Variants in TYW1 observed in about 807,000 individuals in gnomAD.
The protein encoded by TYW1 is tRNA-yW synthesizing protein 1 homolog.
A neutral mutation model predicts 96.2 loss-of-function variants in TYW1; 46 were observed. The observed-to-expected ratio is 0.48, with a 90% CI of 0.38 to 0.61. The LOEUF is 0.61. Ranked by LOEUF, TYW1 falls within the 20% of genes least tolerant of loss-of-function variation. The probability of loss-of-function intolerance (pLI) is 0.00; values close to 1 mark genes in which losing one functional copy is unlikely to be tolerated. For synonymous variants in TYW1, 274 were observed against 323.0 expected, an observed-to-expected ratio of 0.85 and a Z score of 1.63; for missense variants, 684 against 909.6, an observed-to-expected ratio of 0.75 and a Z score of 3.19.
chr7:67,083,983 C>A (rs958365975), intron 11 of TYW1, among the ~76,000 whole-genome samples: 2 of 152,142 alleles, frequency 1.3e-5, no homozygotes, highest in Non-Finnish European at 2.9e-5. Flanking sequence ...TGCAGTGAGC[C>A]AAGATCTCTC....
At chr7:67,134,146 A>G (rs1432283194) in intron 13 of TYW1, among the ~76,000 whole-genome samples, 1 of 152,116 alleles carries the variant, frequency 6.6e-6, no homozygotes, top group Non-Finnish European at 1.5e-5. Flanking sequence ...GTATGCATTT[A>G]GTAAAAATAG....
At chr7:67,237,072 G>T (rs925108987) in intron 15 of TYW1, among the ~76,000 whole-genome samples, 5 of 152,158 alleles carry the variant, frequency 3.3e-5, no homozygotes, top group African/African-American at 1.2e-4. Context: ...TTTTAGTAGA[G>T]ATAGGGTTTT....
At chr7:67,223,983 G>C (rs1331951313) in intron 15 of TYW1, among the ~76,000 whole-genome samples, 1 of 151,876 alleles carries the variant, frequency 6.6e-6, no homozygotes, top group Non-Finnish European at 1.5e-5. Flanking sequence ...CATCTTCCCA[G>C]AATCCTCTAC....
chr7:67,014,805 T>A (rs1381246647), intron 5 of TYW1, among the ~76,000 whole-genome samples: 1 of 152,206 alleles, frequency 6.6e-6, no homozygotes, highest in Non-Finnish European at 1.5e-5. Context: ...CTCAGCTCAC[T>A]GCAACTTCTA....
Position 67,154,188 on chromosome 7 carries a change from C to T in TYW1, c.1699-28938C>T, listed in dbSNP as rs531742797. On this transcript the variant is annotated intron_variant, in intron 13 of 15. Coordinates refer to ENST00000359626, the MANE Select transcript of TYW1 (RefSeq NM_018264.4). ...CCACCTGCCTTGGCCTGCCAAAGTG[C>T]TGGGATTACAGTTGTGAGCCACCGC... is the stretch of plus-strand genomic sequence containing the variant. Among the ~76,000 whole-genome samples, 128 of 152,316 alleles carry T rather than the reference C, an allele frequency of 8.4e-4. 1 individual carries two copies. The highest frequency in any genetic ancestry group is 1.6e-3 in the Non-Finnish European group (111 of 68,022).
chr7:67,110,602 A>G (rs1456709909), intron 12 of TYW1, among the ~76,000 whole-genome samples: 5 of 152,240 alleles, frequency 3.3e-5, no homozygotes, highest in African/African-American at 1.2e-4. Context: ...ACAGCAAAAA[A>G]GAAAACCAAG....
intron 13 of TYW1, among the ~76,000 whole-genome samples, chr7:67,181,150 T>A (rs1388900085): frequency 6.6e-6 from 1 of 152,186 alleles, no homozygotes; most frequent in African/African-American, 2.4e-5. Flanking sequence ...ATCATGTGGT[T>A]TTTCTGTGTT....
rs1299358386 is a variant in TYW1, at chr7:67,179,590, C to G, written c.1699-3536C>G. On this transcript the variant is annotated intron_variant, in intron 13 of 15. Coordinates refer to ENST00000359626, the MANE Select transcript of TYW1 (RefSeq NM_018264.4). Reference sequence around the variant, plus strand: ...GTAAAGATTAGACAGATATTGGAATCTTTGCCAAGCTACAAAGCACTTTAT... The same window carrying G: ...GTAAAGATTAGACAGATATTGGAATGTTTGCCAAGCTACAAAGCACTTTAT... Among the ~76,000 whole-genome samples, 5 of 135,902 alleles carry G rather than the reference C, an allele frequency of 3.7e-5. 2 individuals are homozygous for G. The highest frequency in any genetic ancestry group is 7.9e-5 in the Non-Finnish European group (5 of 63,268). 89.2% of individuals were successfully genotyped at this position (135,902 alleles called of 152,430 possible).
intron 12 of TYW1, among the ~76,000 whole-genome samples, chr7:67,112,583 T>C (rs1206395462): frequency 1.3e-5 from 2 of 148,396 alleles, no homozygotes; most frequent in Admixed American, 6.8e-5. Context: ...GCCCCTGCAC[T>C]CCAGCCTGGG....
At chr7:67,096,747 T>C (rs1796933352) in intron 11 of TYW1, among the ~76,000 whole-genome samples, 1 of 152,132 alleles carries the variant, frequency 6.6e-6, no homozygotes, top group African/African-American at 2.4e-5. Flanking sequence ...CTCCACCCTC[T>C]GATAGGCCCC....
intron 13 of TYW1, among the ~76,000 whole-genome samples, chr7:67,168,213 T>G (rs538028297): frequency 1.3e-5 from 2 of 151,986 alleles, no homozygotes; most frequent in South Asian, 4.2e-4. Flanking sequence ...TATGGTGAAT[T>G]GCATTGATTT....
intron 3 of TYW1, among the ~76,000 whole-genome samples, chr7:67,008,051 T>C (rs1024501630): frequency 6.6e-6 from 1 of 152,224 alleles, no homozygotes; most frequent in Non-Finnish European, 1.5e-5. Context: ...TTTAGGGTTC[T>C]GCACCACTGC....
intron 7 of TYW1, among the ~76,000 whole-genome samples, chr7:67,031,646 CA>C: frequency 1.2e-5 from 1 of 85,780 alleles, no homozygotes; most frequent in South Asian, 4.6e-4. Flanking sequence ...CAAAACAAAA[CA>C]AAACAAATTG....
chr7:67,072,474 C>G (rs1449451076), intron 10 of TYW1, among the ~76,000 whole-genome samples: 1 of 152,038 alleles, frequency 6.6e-6, no homozygotes, highest in Non-Finnish European at 1.5e-5. Flanking sequence ...GTCTTGAACT[C>G]CTCACCTTGT....
chr7:67,208,262 A>G (rs1800876453), intron 15 of TYW1, among the ~76,000 whole-genome samples: 1 of 152,206 alleles, frequency 6.6e-6, no homozygotes, highest in Non-Finnish European at 1.5e-5. Flanking sequence ...CAGTGGTTGC[A>G]GTGAGCAGAG....
chr7:67,137,537 A>G (rs1352880775), intron 13 of TYW1, among the ~76,000 whole-genome samples: 2 of 152,238 alleles, frequency 1.3e-5, no homozygotes, highest in African/African-American at 2.4e-5. Flanking sequence ...CCTACCTAAC[A>G]GGAAACAATT....
rs188308607 is a variant in TYW1 at position 67,038,260 on chromosome 7, G to A, written c.985-11689G>A. Among the ~76,000 whole-genome samples, 6 of 151,960 alleles carry A rather than the reference G, an allele frequency of 3.9e-5. No individual in the cohort carries two copies. In the East Asian group the frequency reaches 5.8e-4, roughly 15 times the overall value. On this transcript the variant is annotated intron_variant, in intron 7 of 15. Transcript: ENST00000359626. Reference sequence around the variant, plus strand: ...AGGGGTTGCAGTGAGCCTAGATTACGCCACTGCACTCCAGCCTGGGTGACA... The same window carrying A: ...AGGGGTTGCAGTGAGCCTAGATTACACCACTGCACTCCAGCCTGGGTGACA...
chr7:67,135,492 T>G (rs1352965261), intron 13 of TYW1, among the ~76,000 whole-genome samples: 1 of 151,558 alleles, frequency 6.6e-6, no homozygotes, highest in African/African-American at 2.4e-5. Flanking sequence ...TTAGTAGAGA[T>G]GAGGTTTCCC....
At chr7:67,157,404 G>A (rs988395576) in intron 13 of TYW1, among the ~76,000 whole-genome samples, 2 of 152,144 alleles carry the variant, frequency 1.3e-5, no homozygotes, top group Non-Finnish European at 2.9e-5. Flanking sequence ...TCCTGCCTCA[G>A]CCTCCCGAGT....
Sources: allele counts gnomAD v4.1 joint callset (sites outside exome capture counted in the v4.1 genomes callset), GRCh38; gene constraint gnomAD v4.1.1; transcripts MANE v1.5; gene names NCBI Gene and HGNC (gene_info 2026-07-23, HGNC 2026-07-21).